Variants in VAT1L observed in about 807,000 individuals in gnomAD.
VAT1L encodes the protein vesicle amine transport 1 like.
Under a neutral mutation model 44.1 loss-of-function variants are expected in VAT1L, and 34 were observed. The ratio of observed to expected loss-of-function variants is 0.77; its 90% confidence interval spans 0.59 to 1.03. The LOEUF (loss-of-function observed/expected upper bound fraction) is 1.03. VAT1L is among the 50% of genes least tolerant of loss of function. VAT1L has a pLI of 0.00. For missense variants in VAT1L, 615 were observed against 538.8 expected, an observed-to-expected ratio of 1.14 and a Z score of -1.40; for synonymous variants, 253 against 202.2, an observed-to-expected ratio of 1.25 and a Z score of -2.13.
At chr16:77,798,682 A>G (rs1219880432) in intron 1 of VAT1L, among the ~76,000 whole-genome samples, 1 of 152,204 alleles carries the variant, frequency 6.6e-6, no homozygotes, top group African/African-American at 2.4e-5. Flanking sequence ...GTATCCGCCA[A>G]AGACCACAAA....
At chr16:77,960,315 A>G (rs569304804) in intron 7 of VAT1L, among the ~76,000 whole-genome samples, 184 of 152,298 alleles carry the variant, frequency 1.2e-3, no homozygotes, top group Non-Finnish European at 1.9e-3. Flanking sequence ...TATATCAGTC[A>G]GTACCCTGGC....
At chr16:77,829,444 G>T (rs967490954) in intron 3 of VAT1L, among the ~76,000 whole-genome samples, 2 of 152,182 alleles carry the variant, frequency 1.3e-5, no homozygotes, top group Admixed American at 1.3e-4. Flanking sequence ...CTTAGCTATG[G>T]TTTTAAGGAA....
intron 1 of VAT1L, among the ~76,000 whole-genome samples, chr16:77,790,842 C>A (rs2015821777): frequency 6.6e-6 from 1 of 152,138 alleles, no homozygotes; most frequent in Admixed American, 6.5e-5. Context: ...TGCATAATTG[C>A]TGATAGGAAC....
chr16:77,837,185 C>T (rs1411964208), intron 3 of VAT1L, among the ~76,000 whole-genome samples: 4 of 152,090 alleles, frequency 2.6e-5, no homozygotes, highest in Admixed American at 2.0e-4. Context: ...TTTTGTTGGT[C>T]GACTTTGCCT....
chr16:77,926,076 C>T (rs1389231377), intron 7 of VAT1L, among the ~76,000 whole-genome samples: 1 of 151,460 alleles, frequency 6.6e-6, no homozygotes, highest in Non-Finnish European at 1.5e-5. Flanking sequence ...TCCTGGCTAA[C>T]ACTGTGAAAC....
intron 7 of VAT1L, among the ~76,000 whole-genome samples, chr16:77,948,363 C>T (rs1427570046): frequency 6.6e-6 from 1 of 152,162 alleles, no homozygotes; most frequent in Non-Finnish European, 1.5e-5. Context: ...CATTGAACTT[C>T]TCTAACACCT....
At chr16:77,936,153 C>T (rs1303980041) in intron 7 of VAT1L, among the ~76,000 whole-genome samples, 1 of 152,262 alleles carries the variant, frequency 6.6e-6, no homozygotes, top group South Asian at 2.1e-4. Flanking sequence ...GGGGAAAGAC[C>T]TGGTAGGTAC....
intron 8 of VAT1L, among the ~76,000 whole-genome samples, chr16:77,972,461 G>T (rs2018290752): frequency 6.6e-6 from 1 of 152,134 alleles, no homozygotes; most frequent in Non-Finnish European, 1.5e-5. Flanking sequence ...GAGACTACAG[G>T]AGACCACCAC....
chr16:77,964,898 A>G (rs1468609862), intron 7 of VAT1L, among the ~76,000 whole-genome samples: 1 of 147,986 alleles, frequency 6.8e-6, no homozygotes, highest in Non-Finnish European at 1.5e-5. Context: ...GGTTCAAGCA[A>G]TTCTGCCTCA....
chr16:77,947,121 C>G (rs1192142113), intron 7 of VAT1L, among the ~76,000 whole-genome samples: 8 of 152,206 alleles, frequency 5.3e-5, no homozygotes, highest in Admixed American at 6.5e-5. Flanking sequence ...TTTCTGTTTC[C>G]CTTCCGTGCC....
At chr16:77,918,078 C>G (rs1393953971) in intron 7 of VAT1L, among the ~76,000 whole-genome samples, 1 of 152,162 alleles carries the variant, frequency 6.6e-6, no homozygotes, top group Non-Finnish European at 1.5e-5. Context: ...TGAAGAATTC[C>G]ATATCCAATA....
chr16:77,811,269 G>A (rs1329403468), intron 1 of VAT1L, among the ~76,000 whole-genome samples: 2 of 152,178 alleles, frequency 1.3e-5, no homozygotes, highest in Non-Finnish European at 2.9e-5. Flanking sequence ...CATGCTACAT[G>A]TATCTTTGCT....
chr16:77,836,560 T>C (rs544189711), intron 3 of VAT1L, among the ~76,000 whole-genome samples: 17 of 152,308 alleles, frequency 1.1e-4, no homozygotes, highest in African/African-American at 3.8e-4. Context: ...CCTTCCAAAA[T>C]GTCAGAGACA....
chr16:77,810,949 A>T (rs1341146293), intron 1 of VAT1L, among the ~76,000 whole-genome samples: 1 of 152,210 alleles, frequency 6.6e-6, no homozygotes, highest in African/African-American at 2.4e-5. Context: ...ACCTAATAAA[A>T]CAATGGGTTT....
At chr16:77,956,030 T>C (rs906665369) in intron 7 of VAT1L, among the ~76,000 whole-genome samples, 6 of 152,114 alleles carry the variant, frequency 3.9e-5, no homozygotes, top group African/African-American at 1.4e-4. Context: ...GGGGTGACTA[T>C]AGTCAACAGT....
intron 4 of VAT1L, among the ~76,000 whole-genome samples, chr16:77,870,706 AG>A (rs2017022229): frequency 6.6e-6 from 1 of 152,228 alleles, no homozygotes; most frequent in Non-Finnish European, 1.5e-5. Flanking sequence ...AGCAGGAAAA[AG>A]CACACAGAGG....
chr16:77,937,641 C>T lies in VAT1L; in HGVS notation c.1078-34209C>T, dbSNP rs369521040. 8.5e-5 allele frequency among the ~76,000 whole-genome samples: 13 copies of T among 152,354 alleles called. No individual in the cohort carries two copies. In the South Asian group the frequency reaches 2.5e-3, roughly 29 times the overall value. On this transcript the variant is annotated intron_variant, in intron 7 of 8. Coordinates refer to ENST00000302536, the MANE Select transcript of VAT1L (RefSeq NM_020927.3). ...AAGTGGTGATGCTTGTCTGAAATGA[C>T]GGTGCTCCTGCTCTGTTACATCCCA...
chr16:77,953,163 G>A (rs1358698386), intron 7 of VAT1L, among the ~76,000 whole-genome samples: 1 of 152,162 alleles, frequency 6.6e-6, no homozygotes, highest in Non-Finnish European at 1.5e-5. Flanking sequence ...ACCTCCAGAA[G>A]CTAGGAGAAA....
intron 7 of VAT1L, among the ~76,000 whole-genome samples, chr16:77,903,761 G>A: frequency 7.4e-6 from 1 of 134,498 alleles, no homozygotes; most frequent in East Asian, 2.1e-4. Context: ...TTTTGAGACA[G>A]AGTCTTATTC....
Sources: allele counts gnomAD v4.1 joint callset (sites outside exome capture counted in the v4.1 genomes callset), GRCh38; gene constraint gnomAD v4.1.1; transcripts MANE v1.5; gene names NCBI Gene and HGNC (gene_info 2026-07-23, HGNC 2026-07-21).